Variants in CRTAC1 observed in about 807,000 individuals in gnomAD.
CRTAC1 encodes the protein cartilage acidic protein 1.
Under a neutral mutation model 67.8 loss-of-function variants are expected in CRTAC1, and 37 were observed. The ratio of observed to expected loss-of-function variants is 0.55; its 90% CI spans 0.42 to 0.72. CRTAC1 has a LOEUF of 0.72. Among genes scored for constraint, CRTAC1 ranks in the 30% least tolerant of loss-of-function variants. The pLI is 0.00. For synonymous variants in CRTAC1, 348 were observed against 371.0 expected, an observed-to-expected ratio of 0.94 and a Z score of 0.71; for missense variants, 780 against 931.6, an observed-to-expected ratio of 0.84 and a Z score of 2.12.
intron 14 of CRTAC1, among the ~76,000 whole-genome samples, chr10:97,875,659 T>G (rs2050139346): frequency 6.6e-6 from 1 of 152,194 alleles, no homozygotes; most frequent in Non-Finnish European, 1.5e-5. Flanking sequence ...GCTGGAAGTC[T>G]GGGTGGAGGT....
At chr10:97,943,079 A>AT (rs1254606171) in intron 2 of CRTAC1, among the ~76,000 whole-genome samples, 1 of 152,156 alleles carries the variant, frequency 6.6e-6, no homozygotes, top group African/African-American at 2.4e-5. Flanking sequence ...CTTCAAAAAA[A>AT]AAAAGTGAAA....
chr10:97,893,749 C>G (rs1020587692), intron 11 of CRTAC1, among the ~76,000 whole-genome samples: 1 of 152,176 alleles, frequency 6.6e-6, no homozygotes, highest in Admixed American at 6.5e-5. Context: ...ACCCACCCCT[C>G]TCTCTTCCAC....
At chr10:97,979,681 T>G (rs1447701740) in intron 2 of CRTAC1, among the ~76,000 whole-genome samples, 1 of 152,188 alleles carries the variant, frequency 6.6e-6, no homozygotes, top group African/African-American at 2.4e-5. Flanking sequence ...CAGCCCTGGC[T>G]GCACTTTAGA....
intron 5 of CRTAC1, 136 bp from the exon 6 acceptor site, chr10:97,908,283 G>C: frequency 1.1e-6 from 1 of 884,706 alleles, no homozygotes; most frequent in Non-Finnish European, 1.7e-6. Flanking sequence ...TCTGCTTCCC[G>C]TGCTTTCCTG....
rs762244136 is a variant in CRTAC1 at position 97,896,936 on chromosome 10, C to T, written c.1189G>A (p.Ala397Thr). Residue 397 changes from alanine to threonine, a missense_variant, in exon 9 of 15, where the codon GCC (alanine) becomes ACC (threonine). Coordinates refer to ENST00000370597, the MANE Select transcript of CRTAC1 (RefSeq NM_018058.7). ...PLIEELNPGDALEPEGRGTGG... is the reference protein window; with the variant it reads ...PLIEELNPGDTLEPEGRGTGG... The stretch of plus-strand genomic sequence containing the variant: ...GTGCCCCGGCCCTCAGGCTCCAAGG[C>T]GTCGCCGGGATTGAGCTCCTCGATG... 1.1e-5 allele frequency: 17 copies of T among 1,559,584 alleles called. No homozygotes were observed. The highest frequency in any genetic ancestry group is 1.7e-4 in the Middle Eastern group (1 of 5,960).
Position 98,011,893 on chromosome 10 carries a change from A to T in CRTAC1, c.25-556T>A, listed in dbSNP as rs142933224. ...TGAAGAACCTAACAGCTCTCAAACA[A>T]TGCAGAGTTTGGGTGAGACCCTCAT... On this transcript the variant is annotated intron_variant, in intron 1 of 14. Transcript: ENST00000370597. 2.7e-3 allele frequency among the ~76,000 whole-genome samples: 418 copies of T among 152,336 alleles called. 1 individual carries two copies. Among genetic ancestry groups the T allele is most frequent in the African/African-American group, 9.6e-3 (400 of 41,582 alleles).
chr10:97,913,261 T>C (rs939416483), intron 5 of CRTAC1, among the ~76,000 whole-genome samples: 2 of 152,118 alleles, frequency 1.3e-5, no homozygotes, highest in African/African-American at 2.4e-5. Context: ...GTGCTGGTGT[T>C]GCCACTCCCA....
At chr10:97,907,386 T>C (rs1590199460) in intron 6 of CRTAC1, among the ~76,000 whole-genome samples, 1 of 119,976 alleles carries the variant, frequency 8.3e-6, no homozygotes, top group African/African-American at 3.4e-5. Flanking sequence ...GCAGAGGCCA[T>C]GGCAAGTGCA....
intron 12 of CRTAC1, among the ~76,000 whole-genome samples, chr10:97,883,997 C>T (rs2050247768): frequency 6.6e-6 from 1 of 152,338 alleles, no homozygotes; most frequent in Admixed American, 6.5e-5. Flanking sequence ...TGCCAATACA[C>T]CAGGGATTCT....
At position 97,886,176 on chromosome 10, in the gene CRTAC1, A is replaced by G. The variant is rs574490895; in HGVS notation, c.1487-1825T>C. Among the ~76,000 whole-genome samples, 7 of 152,272 alleles carry G rather than the reference A, an allele frequency of 4.6e-5. No individual in the cohort carries two copies. The South Asian group carries it at 1.5e-3, about 32-fold the overall frequency. On this transcript the variant is annotated intron_variant, in intron 11 of 14. Coordinates refer to ENST00000370597, the MANE Select transcript of CRTAC1 (RefSeq NM_018058.7). ...GGTGCTGGGGGGAGGACCCATGATG[A>G]GGGAGGTTCCAGAGGGAGTTACGCC...
At chr10:98,011,012 GACA>G in intron 2 of CRTAC1, 123 bp downstream of exon 2, 3 of 833,118 alleles carry the variant, frequency 3.6e-6, no homozygotes, top group Non-Finnish European at 5.8e-6. Context: ...CTGAGCCACA[GACA>G]ACCACAGACC....
intron 2 of CRTAC1, among the ~76,000 whole-genome samples, chr10:97,950,242 CACACAGAGAGAGAGAGAG>C (rs2051330881): frequency 8.5e-6 from 1 of 117,506 alleles, no homozygotes; most frequent in African/African-American, 3.1e-5. Context: ...TGCACACACA[CACACAGAGAGAGAGAGAG>C]AGAGAGAGAG....
intron 6 of CRTAC1, among the ~76,000 whole-genome samples, chr10:97,905,649 C>T (rs2050601283): frequency 6.6e-6 from 1 of 152,256 alleles, no homozygotes; most frequent in Non-Finnish European, 1.5e-5. Flanking sequence ...CACGCAGCAT[C>T]TATCTCAGGG....
In CRTAC1 at chr10:97,953,339, G is replaced by C. The variant is rs1288905767; in HGVS notation, c.225-16973C>G. ...ACATGCACCATAACACTCTCTTTTA[G>C]AGATAAGAGAAACCAGCCAGTATCT... On this transcript the variant is annotated intron_variant, in intron 2 of 14. Transcript: ENST00000370597. Among the ~76,000 whole-genome samples, 3 of 152,084 alleles carry C rather than the reference G, an allele frequency of 2.0e-5. No homozygotes were observed. In the East Asian group the frequency reaches 5.8e-4, roughly 29 times the overall value.
intron 8 of CRTAC1, among the ~76,000 whole-genome samples, chr10:97,897,481 C>T (rs2050477882): frequency 1.3e-5 from 2 of 152,174 alleles, no homozygotes; most frequent in Admixed American, 1.3e-4. Context: ...ATCTGATCTC[C>T]CCTGGTAGAA....
chr10:97,919,468 G>A (rs1229310453), intron 4 of CRTAC1, among the ~76,000 whole-genome samples: 13 of 152,232 alleles, frequency 8.5e-5, no homozygotes, highest in Admixed American at 8.5e-4. Flanking sequence ...ATGCAAGGCA[G>A]AGAGTGTCAA....
intron 14 of CRTAC1, among the ~76,000 whole-genome samples, chr10:97,872,929 G>C (rs943240269): frequency 1.3e-5 from 2 of 152,184 alleles, no homozygotes; most frequent in South Asian, 4.1e-4. Context: ...TATTGCCCCA[G>C]CTAATGGCTT....
chr10:98,002,761 C>CTGTTTTTTTTTTTTTTTTTTTTTTTTTT (rs771351655), intron 2 of CRTAC1, among the ~76,000 whole-genome samples: 1 of 37,268 alleles, frequency 2.7e-5, no homozygotes, highest in African/African-American at 8.0e-5. Context: ...ACAAAACTCA[C>CTGTTTTTTTTTTTTTTTTTTTTTTTTTT]TTTTTTTTTT....
At position 97,904,702 on chromosome 10, in the gene CRTAC1, C is replaced by T; in HGVS notation, c.963G>A (p.Leu321=). 2 of 1,590,512 alleles carry T rather than the reference C, an allele frequency of 1.3e-6. No individual in the cohort carries two copies. Among genetic ancestry groups the T allele is most frequent in the Non-Finnish European group, 1.7e-6 (2 of 1,170,290 alleles). Residue 321 remains leucine (L), a synonymous_variant, in exon 7 of 15, where the codon CTG becomes CTA. Transcript: ENST00000370597. The stretch of plus-strand genomic sequence containing the variant: ...GGACCTTCCCATGGGTGCTCATTTG[C>T]AGATAGAGGCGGTGGGGGCCATTCC... ...GNWNGPHRLY[L]QMSTHGKVRF...
Sources: gnomAD v4.1 joint callset for allele counts (sites outside exome capture counted in the v4.1 genomes callset) on GRCh38, gnomAD v4.1.1 for gene constraint, MANE v1.5 for transcripts, NCBI Gene and HGNC (gene_info 2026-07-23, HGNC 2026-07-21) for gene names.